Variants in CHST12 observed in about 807,000 individuals in gnomAD.
CHST12 encodes the protein carbohydrate (chondroitin 4) sulfotransferase 12.
In CHST12, 23 loss-of-function variants were observed where a neutral mutation model predicts 27.9. The ratio of observed to expected loss-of-function variants is 0.82; its 90% CI spans 0.59 to 1.17. The LOEUF is 1.17. Among genes scored for constraint, CHST12 ranks in the 50% most tolerant of loss-of-function variants. CHST12 has a pLI of 0.00. For synonymous variants in CHST12, 322 were observed against 273.0 expected (o/e 1.18, Z -1.77); for missense variants, 682 against 603.0 (o/e 1.13, Z -1.37).
chr7:2,410,706 G>A (rs1236965157), intron 1 of CHST12, among the ~76,000 whole-genome samples: 1 of 152,104 alleles, frequency 6.6e-6, no homozygotes, highest in Admixed American at 6.6e-5. Context: ...AGGGATGGTG[G>A]TGCAGAGGCC....
intron 1 of CHST12, among the ~76,000 whole-genome samples, chr7:2,413,255 A>G (rs536845501): frequency 6.6e-6 from 1 of 152,156 alleles, no homozygotes; most frequent in Non-Finnish European, 1.5e-5. Context: ...GGAACTCTGC[A>G]CTGGTGTTTT....
intron 1 of CHST12, among the ~76,000 whole-genome samples, chr7:2,426,695 C>T (rs1187189663): frequency 3.3e-5 from 5 of 151,674 alleles, no homozygotes; most frequent in South Asian, 2.1e-4. Flanking sequence ...ACAAGAGTGA[C>T]AGGAGAGACA....
chr7:2,415,903 C>T (rs543408326), intron 1 of CHST12, among the ~76,000 whole-genome samples: 62 of 152,270 alleles, frequency 4.1e-4, no homozygotes, highest in Non-Finnish European at 5.9e-4. Context: ...CGTGAGCCAC[C>T]GCGCCTGGCT....
chr7:2,432,550 A>G lies in CHST12; in HGVS notation c.-77-13A>G. On this transcript the variant is annotated splice_polypyrimidine_tract_variant and intron_variant, in intron 1 of 1. Transcript: ENST00000618655. ...CACCTCAGTCATTAACTAGTGTGTC[A>G]TTGCATCTGCAGGTTCCCAGCAGGA... 1 of 1,397,526 alleles carries G rather than the reference A, an allele frequency of 7.2e-7. No individual in the cohort carries two copies. 86.6% of individuals were successfully genotyped at this position (1,397,526 alleles called of 1,614,324 possible). A position where few individuals can be genotyped will look rare whatever the true frequency, so the allele number is the denominator to read the frequency against.
rs538961042 is a variant in CHST12, at chr7:2,441,937, C to T, written c.*8053C>T. On this transcript the variant is annotated 3_prime_UTR_variant, in exon 2 of 2. Transcript: ENST00000618655. The stretch of plus-strand genomic sequence containing the variant: ...CATTTTTAAGTGAACAGTTCAGTGG[C>T]ATTAAGCACATTCAGTTTGCCTGCC... 1.9e-4 allele frequency: 29 copies of T among 152,158 alleles called. No individual in the cohort carries two copies. Among genetic ancestry groups the T allele is most frequent in the East Asian group, 9.7e-4 (5 of 5,176 alleles). 9.4% of individuals were successfully genotyped at this position (152,158 alleles called of 1,614,324 possible). A position where few individuals can be genotyped will look rare whatever the true frequency, so the allele number is the denominator to read the frequency against.
At chr7:2,426,381 C>T (rs963671143) in intron 1 of CHST12, among the ~76,000 whole-genome samples, 10 of 152,176 alleles carry the variant, frequency 6.6e-5, no homozygotes, top group African/African-American at 2.4e-4. Flanking sequence ...GCCCACCCTC[C>T]CCAGCTATGT....
At position 2,443,073 on chromosome 7, in the gene CHST12, C is replaced by T. The variant is rs903595038; in HGVS notation, c.*9189C>T. ...AGTAGCTGGGATTACAGGTGCCCGC[C>T]ACCATGGCCAGCTAATTTTTTTGTT... On this transcript the variant is annotated 3_prime_UTR_variant, in exon 2 of 2. Coordinates refer to ENST00000618655, the MANE Select transcript of CHST12 (RefSeq NM_018641.5). 1 of 152,152 alleles carries T rather than the reference C, an allele frequency of 6.6e-6. No individual in the cohort carries two copies. The highest frequency in any genetic ancestry group is 2.4e-5 in the African/African-American group (1 of 41,434). 9.4% of individuals were successfully genotyped at this position (152,152 alleles called of 1,614,324 possible).
chr7:2,420,758 C>T (rs1271019179), intron 1 of CHST12, among the ~76,000 whole-genome samples: 1 of 152,166 alleles, frequency 6.6e-6, no homozygotes, highest in African/African-American at 2.4e-5. Flanking sequence ...GCACCCCAGC[C>T]TGGACAACAC....
intron 1 of CHST12, among the ~76,000 whole-genome samples, chr7:2,428,372 T>G (rs928669572): frequency 2.0e-5 from 3 of 151,998 alleles, no homozygotes; most frequent in Admixed American, 1.3e-4. Flanking sequence ...TTTTTTGTAT[T>G]TTTTAGTAGA....
intron 1 of CHST12, among the ~76,000 whole-genome samples, chr7:2,419,707 CAAAA>C (rs562438536): frequency 1.0e-5 from 1 of 99,868 alleles, no homozygotes. Context: ...AACTCCGTCT[CAAAA>C]AAAAAAAAAA....
chr7:2,422,300 A>C (rs1358950946), intron 1 of CHST12, among the ~76,000 whole-genome samples: 2 of 150,956 alleles, frequency 1.3e-5, no homozygotes, highest in African/African-American at 2.4e-5. Context: ...GCTGGAGTGC[A>C]GTGGCGCCAT....
intron 1 of CHST12, among the ~76,000 whole-genome samples, chr7:2,420,110 A>G (rs1201731433): frequency 6.6e-6 from 1 of 151,064 alleles, no homozygotes; most frequent in Admixed American, 6.6e-5. Context: ...AGTAGCTGAG[A>G]CTACAGGCGC....
chr7:2,410,893 C>T (rs1306249064), intron 1 of CHST12, among the ~76,000 whole-genome samples: 2 of 151,848 alleles, frequency 1.3e-5, no homozygotes, highest in Non-Finnish European at 2.9e-5. Context: ...ATAACCGTGG[C>T]TTTGGGGTTG....
At chr7:2,414,155 A>C (rs927560069) in intron 1 of CHST12, among the ~76,000 whole-genome samples, 1 of 151,854 alleles carries the variant, frequency 6.6e-6, no homozygotes, top group Non-Finnish European at 1.5e-5. Flanking sequence ...TTATTTTTTA[A>C]TTGGGTTTAT....
intron 1 of CHST12, among the ~76,000 whole-genome samples, chr7:2,409,762 A>T (rs1339986141): frequency 1.3e-5 from 2 of 152,214 alleles, no homozygotes; most frequent in Non-Finnish European, 2.9e-5. Context: ...GTGGCATTGA[A>T]TTGACCCAAA....
chr7:2,427,687 T>C (rs1436136080), intron 1 of CHST12, among the ~76,000 whole-genome samples: 1 of 151,986 alleles, frequency 6.6e-6, no homozygotes, highest in Non-Finnish European at 1.5e-5. Context: ...TTATAATGAA[T>C]GGATATGGGT....
chr7:2,409,112 A>G (rs1458395438), intron 1 of CHST12, among the ~76,000 whole-genome samples: 1 of 152,232 alleles, frequency 6.6e-6, no homozygotes, highest in East Asian at 1.9e-4. Flanking sequence ...TACAAGGCGC[A>G]GCTGTGGATA....
chr7:2,411,893 C>T (rs566444026), intron 1 of CHST12, among the ~76,000 whole-genome samples: 1 of 152,306 alleles, frequency 6.6e-6, no homozygotes, highest in East Asian at 1.9e-4. Context: ...ACAGAAGGTA[C>T]ATGAGATATG....
rs1368456151 is a variant in CHST12, at chr7:2,433,322, G to C, written c.683G>C (p.Arg228Pro). Residue 228 changes from arginine (R) to proline (P), a missense_variant, in exon 2 of 2, where the codon CGC becomes CCC. Physicochemically the swap from Arg to Pro is moderately radical, Grantham distance 103 (BLOSUM62 -2). Transcript: ENST00000618655. This position sits in a 1 kb window ranked among gnomAD's most constrained non-coding sequence, Gnocchi z 6.1. ...KFWRRYGKLS[R>P]HLMKVKLKKY... ...TGGCGCCGCTACGGGAAGCTCTCCC[G>C]CCACCTCATGAAGGTCAAGCTCAAG... 4 of 1,612,412 alleles carry C rather than the reference G, an allele frequency of 2.5e-6. No homozygotes were observed. The highest frequency in any genetic ancestry group is 3.4e-6 in the Non-Finnish European group (4 of 1,179,720).
Sources: allele counts gnomAD v4.1 joint callset (sites outside exome capture counted in the v4.1 genomes callset), GRCh38; gene constraint gnomAD v4.1.1; non-coding constraint Gnocchi (gnomAD v3.1); transcripts MANE v1.5; gene names NCBI Gene and HGNC (gene_info 2026-07-23, HGNC 2026-07-21).